The following VAT1L variants were observed in gnomAD, a reference collection of about 807,000 sequenced individuals.
VAT1L encodes putative NADPH-dependent quinone oxidoreductase VAT1L.
In VAT1L, 34 loss-of-function variants were observed where a neutral mutation model predicts 44.1. That is an observed-to-expected ratio of 0.77 (90% CI 0.59 to 1.03). The LOEUF (loss-of-function observed/expected upper bound fraction) is 1.03, where lower values mean the gene tolerates loss of function less well. VAT1L is among the 50% of genes least tolerant of loss of function. The pLI, the probability that VAT1L is intolerant of heterozygous loss-of-function variation, is 0.00. For synonymous variants in VAT1L, 253 were observed against 202.2 expected (o/e 1.25, Z -2.13); for missense variants, 615 against 538.8 (o/e 1.14, Z -1.40).
chr16:77,918,288 A>G (rs2017571658), intron 7 of VAT1L, among the ~76,000 whole-genome samples: 3 of 152,080 alleles, frequency 2.0e-5, no homozygotes, highest in Admixed American at 2.0e-4. Context: ...ATTTAGAAAC[A>G]TTTTTCTTAT....
chr16:77,895,653 C>T (rs1410771851), intron 7 of VAT1L, among the ~76,000 whole-genome samples: 1 of 152,206 alleles, frequency 6.6e-6, no homozygotes, highest in Non-Finnish European at 1.5e-5. Context: ...TTTCAGGCTT[C>T]TGATTTGCAG....
intron 1 of VAT1L, among the ~76,000 whole-genome samples, chr16:77,808,997 C>T (rs1007748743): frequency 6.6e-6 from 1 of 152,178 alleles, no homozygotes; most frequent in South Asian, 2.1e-4. Context: ...ACAGTAGGCT[C>T]AATGTGCTAG....
At chr16:77,797,991 T>C (rs2015968751) in intron 1 of VAT1L, among the ~76,000 whole-genome samples, 1 of 152,156 alleles carries the variant, frequency 6.6e-6, no homozygotes, top group Admixed American at 6.6e-5. Context: ...AAGAAGCTGT[T>C]TTATCTTTGA....
chr16:77,894,465 C>A (rs925733129), intron 7 of VAT1L, among the ~76,000 whole-genome samples: 1 of 152,164 alleles, frequency 6.6e-6, no homozygotes, highest in African/African-American at 2.4e-5. Flanking sequence ...TGGCACTGAA[C>A]AGGACAAACG....
rs532898906 is a variant in VAT1L, at chr16:77,844,413, T to A, written c.580-18335T>A. 5.3e-5 allele frequency among the ~76,000 whole-genome samples: 8 copies of A among 152,218 alleles called. No individual in the cohort carries two copies. The East Asian group carries it at 9.7e-4, about 18-fold the overall frequency. On this transcript the variant is annotated intron_variant, in intron 3 of 8. Transcript: ENST00000302536. ...ATTACACCAGTTTATTTTTTATTTT[T>A]TTTTATTTTTTCTGAGATGGAGTCT...
At chr16:77,815,397 A>G (rs1424428847) in intron 1 of VAT1L, among the ~76,000 whole-genome samples, 1 of 152,154 alleles carries the variant, frequency 6.6e-6, no homozygotes, top group African/African-American at 2.4e-5. Flanking sequence ...GGCACACTGG[A>G]AGCAGAGAAA....
chr16:77,809,779 T>G (rs2016233080), intron 1 of VAT1L, among the ~76,000 whole-genome samples: 1 of 152,198 alleles, frequency 6.6e-6, no homozygotes, highest in Non-Finnish European at 1.5e-5. Context: ...TGGAACTATT[T>G]CATAGAATCA....
At chr16:77,828,348 T>C (rs2927599) in intron 3 of VAT1L, among the ~76,000 whole-genome samples, 29,245 of 152,216 alleles carry the variant, frequency 0.19, 3,004 homozygotes, top group African/African-American at 0.24. Context: ...GATGACCCAG[T>C]GTCATCACAA....
intron 5 of VAT1L, among the ~76,000 whole-genome samples, chr16:77,877,635 G>T (rs2017104014): frequency 6.7e-6 from 1 of 150,212 alleles, no homozygotes; most frequent in Non-Finnish European, 1.5e-5. Context: ...CAATGTTTAA[G>T]ATTCTTGGTA....
At chr16:77,940,001 G>C (rs2017858684) in intron 7 of VAT1L, among the ~76,000 whole-genome samples, 1 of 152,140 alleles carries the variant, frequency 6.6e-6, no homozygotes, top group Non-Finnish European at 1.5e-5. Flanking sequence ...CAGACTTAAG[G>C]AAGTTAATCA....
intron 1 of VAT1L, among the ~76,000 whole-genome samples, chr16:77,816,043 T>TC (rs35866709): frequency 6.8e-6 from 1 of 147,454 alleles, no homozygotes; most frequent in African/African-American, 2.5e-5. Context: ...GGGATGTGTT[T>TC]CCCCATGTGA....
intron 7 of VAT1L, among the ~76,000 whole-genome samples, chr16:77,896,308 C>A (rs538728200): frequency 3.3e-5 from 5 of 152,322 alleles, no homozygotes; most frequent in African/African-American, 1.2e-4. Flanking sequence ...AACCATTCCT[C>A]CCTCTTGCCA....
At chr16:77,922,356 T>A (rs1168707105) in intron 7 of VAT1L, among the ~76,000 whole-genome samples, 1 of 152,164 alleles carries the variant, frequency 6.6e-6, no homozygotes, top group African/African-American at 2.4e-5. Context: ...CAAGGCCAGT[T>A]CCATCAAGGC....
chr16:77,950,087 A>T (rs553242381), intron 7 of VAT1L, among the ~76,000 whole-genome samples: 1 of 152,136 alleles, frequency 6.6e-6, no homozygotes, highest in South Asian at 2.1e-4. Context: ...TCCAATGAAC[A>T]TGTGCTCATT....
chr16:77,970,177 AGTG>A (rs1423100511), intron 7 of VAT1L, among the ~76,000 whole-genome samples: 6 of 152,010 alleles, frequency 3.9e-5, no homozygotes, highest in African/African-American at 1.5e-4. Flanking sequence ...TCAAACCTGC[AGTG>A]ATCTGTGATT....
rs1338478642 is a variant in VAT1L, at chr16:77,979,021, T to C, written c.*1326T>C. 6.6e-6 allele frequency: 1 copy of C among 152,270 alleles called. No individual in the cohort carries two copies. The highest frequency in any genetic ancestry group is 1.5e-5 in the Non-Finnish European group (1 of 68,042). The allele number at this position is 152,270 out of a possible 1,614,324, so 9.4% of individuals were successfully genotyped here. ...TTTGATTCATACCCCAACTTTGTGT[T>C]CTGAAAAACATCAGAGGGATTTTAC... On this transcript the variant is annotated 3_prime_UTR_variant, in exon 9 of 9. Transcript: ENST00000302536.
At chr16:77,812,472 T>C (rs1439714795) in intron 1 of VAT1L, among the ~76,000 whole-genome samples, 1 of 152,192 alleles carries the variant, frequency 6.6e-6, no homozygotes, top group Admixed American at 6.5e-5. Context: ...GGAAGACCTT[T>C]ATTCAAGTCT....
At chr16:77,807,614 G>A (rs1285925225) in intron 1 of VAT1L, among the ~76,000 whole-genome samples, 1 of 152,066 alleles carries the variant, frequency 6.6e-6, no homozygotes, top group Non-Finnish European at 1.5e-5. Flanking sequence ...GCAAATCTCA[G>A]TCTCGGAGTC....
At chr16:77,902,972 G>C (rs1240603643) in intron 7 of VAT1L, among the ~76,000 whole-genome samples, 4 of 96,394 alleles carry the variant, frequency 4.1e-5, no homozygotes, top group African/African-American at 1.7e-4. Context: ...GACTCTGTCT[G>C]AAAAAAAAAA....
Sources: allele counts gnomAD v4.1 joint callset (sites outside exome capture counted in the v4.1 genomes callset), GRCh38; gene constraint gnomAD v4.1.1; transcripts MANE v1.5; gene names NCBI Gene and HGNC (gene_info 2026-07-23, HGNC 2026-07-21).